The following ZIM2 variants were observed in gnomAD, a reference collection of about 807,000 sequenced individuals.
The protein encoded by ZIM2 is zinc finger imprinted 2, also known as zinc finger protein 656.
ZIM2 carries 14 observed loss-of-function variants against 38.6 expected under a neutral mutation model. That is an observed-to-expected ratio of 0.36 (90% CI 0.24 to 0.57). The LOEUF is 0.57. ZIM2 is among the 20% of genes least tolerant of loss of function. The pLI is 0.81. For synonymous variants in ZIM2, 247 were observed against 245.8 expected (o/e 1.00, Z -0.04); for missense variants, 680 against 695.1 (o/e 0.98, Z 0.24).
intron 9 of ZIM2, among the ~76,000 whole-genome samples, chr19:56,802,710 A>G (rs929580384): frequency 1.3e-5 from 2 of 152,176 alleles, no homozygotes; most frequent in African/African-American, 2.4e-5. Context: ...GGATCCTCAG[A>G]CAGGCAGGAA....
At chr19:56,832,402 G>C (rs758819985) in intron 2 of ZIM2, among the ~76,000 whole-genome samples, 3 of 152,158 alleles carry the variant, frequency 2.0e-5, no homozygotes, top group Middle Eastern at 3.4e-3. Context: ...CACGCATCAA[G>C]CTCCACACCC....
At chr19:56,782,240 T>A (rs930881385) in intron 10 of ZIM2, 119 bp from the exon 11 acceptor site, 26 of 1,311,878 alleles carry the variant, frequency 2.0e-5, no homozygotes, top group Non-Finnish European at 2.7e-5. Context: ...TGGCATTGCA[T>A]CTTTCTTTGT....
At chr19:56,832,682 C>T (rs1423845445) in intron 2 of ZIM2, among the ~76,000 whole-genome samples, 2 of 152,172 alleles carry the variant, frequency 1.3e-5, no homozygotes, top group African/African-American at 2.4e-5. Flanking sequence ...GGAGGAGAGG[C>T]GCCAAGTGAT....
chr19:56,834,642 C>CCCTCGGGCAAAGGAGGTTTCCAAGTCT (rs2061900249), intron 2 of ZIM2, among the ~76,000 whole-genome samples: 1 of 152,114 alleles, frequency 6.6e-6, no homozygotes, highest in Non-Finnish European at 1.5e-5. Flanking sequence ...CCAACATGAG[C>CCCTCGGGCAAAGGAGGTTTCCAAGTCT]CCTCGGGCAA....
chr19:56,791,461 A>G (rs1416404500), intron 9 of ZIM2, among the ~76,000 whole-genome samples: 1 of 152,222 alleles, frequency 6.6e-6, no homozygotes, highest in African/African-American at 2.4e-5. Context: ...GAATGGGATT[A>G]ATCATAATCC....
intron 9 of ZIM2, chr19:56,813,333 A>C (rs1050373091): frequency 5.9e-6 from 6 of 1,019,074 alleles, no homozygotes; most frequent in Non-Finnish European, 7.1e-6. Flanking sequence ...ACACCTCATG[A>C]AACACTATAT....
chr19:56,817,686 G>A, intron 9 of ZIM2, 60 bp downstream of exon 9: 2 of 1,553,982 alleles, frequency 1.3e-6, no homozygotes, highest in South Asian at 2.2e-5. Context: ...AAGTGTAGAA[G>A]TTCCTTGATA....
At chr19:56,835,207 T>C (rs1481819232) in intron 2 of ZIM2, among the ~76,000 whole-genome samples, 3 of 152,134 alleles carry the variant, frequency 2.0e-5, no homozygotes, top group Non-Finnish European at 4.4e-5. Context: ...AACCAGATGA[T>C]CTTTTTAAAA....
chr19:56,787,655 C>T (rs1366153456), intron 10 of ZIM2, among the ~76,000 whole-genome samples: 1 of 150,310 alleles, frequency 6.7e-6, no homozygotes, highest in African/African-American at 2.4e-5. Flanking sequence ...AGGAATGGTA[C>T]AAGCTCCTCT....
chr19:56,829,564 A>C lies in ZIM2; in HGVS notation c.-226-3101T>G, dbSNP rs140173052. 6.7e-3 allele frequency among the ~76,000 whole-genome samples: 1,014 copies of C among 152,314 alleles called. 8 individuals are homozygous for C. The highest frequency in any genetic ancestry group is 0.011 in the Non-Finnish European group (739 of 68,024). On this transcript the variant is annotated intron_variant, in intron 2 of 12. Coordinates refer to ENST00000629319, the MANE Select transcript of ZIM2 (RefSeq NM_001387356.1). Reference sequence around the variant, plus strand: ...GTCCTAACACAAGTCACATTAGAGCAACCCAGAGCCAAAGGCAGGAAGAGG... The same window carrying C: ...GTCCTAACACAAGTCACATTAGAGCCACCCAGAGCCAAAGGCAGGAAGAGG...
chr19:56,834,797 T>A (rs1335033328), intron 2 of ZIM2, among the ~76,000 whole-genome samples: 1 of 152,176 alleles, frequency 6.6e-6, no homozygotes, highest in Non-Finnish European at 1.5e-5. Flanking sequence ...CATAGCCACC[T>A]ATCTTGGTAA....
chr19:56,816,254 C>G (rs748116641), intron 9 of ZIM2: 6 of 1,614,046 alleles, frequency 3.7e-6, no homozygotes, highest in Non-Finnish European at 5.1e-6. Context: ...TTCTGAGATT[C>G]AGTGAATGGC....
intron 2 of ZIM2, among the ~76,000 whole-genome samples, chr19:56,834,243 T>A (rs1301917257): frequency 6.6e-6 from 1 of 152,148 alleles, no homozygotes; most frequent in Non-Finnish European, 1.5e-5. Flanking sequence ...ACAACTCTCA[T>A]CAGACCTAAC....
rs147104619 is a variant in ZIM2, at chr19:56,810,016, A to G, written c.490+7730T>C. The stretch of plus-strand genomic sequence containing the variant: ...AAGGAGGAACTAAGCTTTTGGATTT[A>G]TAACTCTAACAAAATAACATATTTA... On this transcript the variant is annotated intron_variant, in intron 9 of 12. Transcript: ENST00000629319. 2.6e-3 allele frequency: 948 copies of G among 369,764 alleles called. 26 individuals are homozygous for G. The Admixed American group carries it at 0.05, about 20-fold the overall frequency. The allele number at this position is 369,764 out of a possible 1,614,324, so 22.9% of individuals were successfully genotyped here. A position where few individuals can be genotyped will look rare whatever the true frequency, so the allele number is the denominator to read the frequency against.
chr19:56,803,641 A>T (rs1449832212), intron 9 of ZIM2, among the ~76,000 whole-genome samples: 1 of 152,232 alleles, frequency 6.6e-6, no homozygotes, highest in Non-Finnish European at 1.5e-5. Context: ...TCATTTTAAG[A>T]TTATTGGAAG....
intron 12 of ZIM2, 128 bp from the exon 13 acceptor site, chr19:56,775,657 G>GAAA (rs969761974): frequency 2.7e-6 from 3 of 1,092,902 alleles, no homozygotes; most frequent in Non-Finnish European, 2.4e-6. Flanking sequence ...TTCCTAATCT[G>GAAA]AAAAAAAAAA....
At chr19:56,792,584 G>A (rs7259171) in intron 9 of ZIM2, among the ~76,000 whole-genome samples, 22 of 140,410 alleles carry the variant, frequency 1.6e-4, no homozygotes, top group Admixed American at 3.6e-4. Flanking sequence ...ACATGTTTCC[G>A]CCTTTAAGTG....
At chr19:56,781,150 A>G (rs1472261634) in intron 11 of ZIM2, among the ~76,000 whole-genome samples, 2 of 152,334 alleles carry the variant, frequency 1.3e-5, no homozygotes, top group East Asian at 1.9e-4. Flanking sequence ...CTTGTAACCG[A>G]TAAGAACCAG....
intron 2 of ZIM2, among the ~76,000 whole-genome samples, chr19:56,835,789 A>G (rs1055360061): frequency 6.6e-6 from 1 of 152,202 alleles, no homozygotes; most frequent in African/African-American, 2.4e-5. Context: ...CTGAAGGAGT[A>G]GCTGAGTATG....
Sources: allele counts gnomAD v4.1 joint callset (sites outside exome capture counted in the v4.1 genomes callset), GRCh38; gene constraint gnomAD v4.1.1; transcripts MANE v1.5; gene names NCBI Gene and HGNC (gene_info 2026-07-23, HGNC 2026-07-21).